AGBL4: variants seen among roughly 807,000 people sequenced by gnomAD.
AGBL4 encodes AGBL carboxypeptidase 4, also known as cytosolic carboxypeptidase 6.
In AGBL4, 58 loss-of-function variants were observed where a neutral mutation model predicts 66.4. The ratio of observed to expected loss-of-function variants is 0.87; its 90% confidence interval spans 0.71 to 1.09. The LOEUF (loss-of-function observed/expected upper bound fraction) is 1.09, where lower values mean the gene tolerates loss of function less well. Ranked by LOEUF, AGBL4 falls within the 50% of genes least tolerant of loss-of-function variation. The pLI, the probability that AGBL4 is intolerant of heterozygous loss-of-function variation, is 0.00. For missense variants in AGBL4, 579 were observed against 631.0 expected (o/e 0.92, Z 0.88); for synonymous variants, 234 against 222.9 (o/e 1.05, Z -0.44).
At position 49,806,098 on chromosome 1, in the gene AGBL4, C is replaced by G. The variant is rs146499253; in HGVS notation, c.157+45298G>C. 1.4e-4 allele frequency among the ~76,000 whole-genome samples: 21 copies of G among 152,270 alleles called. No individual in the cohort carries two copies. The East Asian group carries it at 4.1e-3, about 29-fold the overall frequency. On this transcript the variant is annotated intron_variant, in intron 2 of 13. Coordinates refer to ENST00000371839, the MANE Select transcript of AGBL4 (RefSeq NM_032785.4). ...GGAGGTGTGTGCTAGAAAAAGCCTACATTCCTATAAACAGACTGTTAAGGG... is the reference window on the plus strand; with the variant it reads ...GGAGGTGTGTGCTAGAAAAAGCCTAGATTCCTATAAACAGACTGTTAAGGG...
chr1:48,886,285 C>G (rs1021764544), intron 5 of AGBL4, among the ~76,000 whole-genome samples: 3 of 152,162 alleles, frequency 2.0e-5, no homozygotes, highest in South Asian at 2.1e-4. Flanking sequence ...AAAGCTGGTC[C>G]TGCCTAGCAC....
At chr1:49,807,309 A>G (rs989733107) in intron 2 of AGBL4, among the ~76,000 whole-genome samples, 1 of 152,192 alleles carries the variant, frequency 6.6e-6, no homozygotes, top group Admixed American at 6.5e-5. Context: ...TGCCAAGTAA[A>G]GCTGCAGAAA....
intron 3 of AGBL4, 150 bp downstream of exon 3, chr1:49,697,163 C>A (rs1289413477): frequency 6.3e-6 from 5 of 798,160 alleles, no homozygotes; most frequent in Non-Finnish European, 9.3e-6. Context: ...GTATCTATTT[C>A]TCTGCATCTC....
chr1:49,615,351 T>C (rs1374291987), intron 3 of AGBL4, among the ~76,000 whole-genome samples: 2 of 152,014 alleles, frequency 1.3e-5, no homozygotes, highest in Admixed American at 1.3e-4. Flanking sequence ...AGGGACAAAA[T>C]GGTTTAAAAG....
At chr1:48,596,307 T>G (rs1037845143) in intron 9 of AGBL4, among the ~76,000 whole-genome samples, 6 of 152,134 alleles carry the variant, frequency 3.9e-5, no homozygotes, top group African/African-American at 1.2e-4. Context: ...AAAAAGGCAT[T>G]GAGGTATGTG....
chr1:49,741,403 T>C (rs912071828), intron 2 of AGBL4, among the ~76,000 whole-genome samples: 2 of 152,144 alleles, frequency 1.3e-5, no homozygotes, highest in African/African-American at 4.8e-5. Context: ...ATTGAGGCAA[T>C]GATTAATAGC....
intron 3 of AGBL4, among the ~76,000 whole-genome samples, chr1:49,555,482 TGCTTTTGTGTCTA>T (rs1244295068): frequency 1.4e-4 from 21 of 150,314 alleles, no homozygotes; most frequent in South Asian, 6.4e-4. Context: ...TGCTGATGGG[TGCTTTTGTGTCTA>T]GCTTTTGTGT....
At chr1:49,339,461 G>T (rs1645496681) in intron 3 of AGBL4, among the ~76,000 whole-genome samples, 1 of 152,160 alleles carries the variant, frequency 6.6e-6, no homozygotes, top group Non-Finnish European at 1.5e-5. Context: ...GGCTAAAATT[G>T]CACAGCTTAT....
chr1:49,786,061 A>G (rs1644447495), intron 2 of AGBL4, among the ~76,000 whole-genome samples: 1 of 152,030 alleles, frequency 6.6e-6, no homozygotes, highest in Non-Finnish European at 1.5e-5. Context: ...TGCTTTTACA[A>G]AATATTCCAG....
At position 48,699,844 on chromosome 1, in the gene AGBL4, G is replaced by A. The variant is rs187087277; in HGVS notation, c.635-36603C>T. ...AAAAATTACTTGCATTCAGGGTCTTGTCTCAGGGTCTGCTCTGGGATAACC... is the reference window on the plus strand; with the variant it reads ...AAAAATTACTTGCATTCAGGGTCTTATCTCAGGGTCTGCTCTGGGATAACC... On this transcript the variant is annotated intron_variant, in intron 6 of 13. Coordinates refer to ENST00000371839, the MANE Select transcript of AGBL4 (RefSeq NM_032785.4). 2.2e-4 allele frequency among the ~76,000 whole-genome samples: 33 copies of A among 152,084 alleles called. 1 individual carries two copies. The highest frequency in any genetic ancestry group is 4.3e-4 in the African/African-American group (18 of 41,482).
At chr1:49,191,534 GT>G (rs1377473641) in intron 4 of AGBL4, among the ~76,000 whole-genome samples, 2 of 152,164 alleles carry the variant, frequency 1.3e-5, no homozygotes, top group African/African-American at 4.8e-5. Context: ...TGTCACTGAG[GT>G]TTGGGGTATA....
intron 3 of AGBL4, chr1:49,527,242 A>G (rs1175732982): frequency 6.6e-6 from 1 of 152,022 alleles, no homozygotes; most frequent in Non-Finnish European, 1.5e-5. Flanking sequence ...ACCATTCCTC[A>G]AGGTCCCTGA....
intron 3 of AGBL4, among the ~76,000 whole-genome samples, chr1:49,554,538 C>T (rs1182984673): frequency 6.6e-6 from 1 of 152,154 alleles, no homozygotes; most frequent in Non-Finnish European, 1.5e-5. Flanking sequence ...TTTCAAGACA[C>T]TCCAGATACC....
intron 3 of AGBL4, among the ~76,000 whole-genome samples, chr1:49,393,047 C>T (rs768232933): frequency 6.6e-6 from 1 of 152,028 alleles, no homozygotes; most frequent in Non-Finnish European, 1.5e-5. Flanking sequence ...CAGTTCTCAC[C>T]TCTGGGAAAC....
chr1:49,373,304 C>T (rs549565468), intron 3 of AGBL4, among the ~76,000 whole-genome samples: 3 of 152,114 alleles, frequency 2.0e-5, no homozygotes, highest in African/African-American at 7.2e-5. Flanking sequence ...GGTATATGAC[C>T]AATAGATGCT....
At chr1:48,894,216 GA>G (rs1427876814) in intron 5 of AGBL4, among the ~76,000 whole-genome samples, 1 of 152,192 alleles carries the variant, frequency 6.6e-6, no homozygotes, top group Non-Finnish European at 1.5e-5. Flanking sequence ...AGCACATTAA[GA>G]AAGACAATAG....
At chr1:49,893,216 T>C (rs914557565) in intron 1 of AGBL4, among the ~76,000 whole-genome samples, 2 of 152,048 alleles carry the variant, frequency 1.3e-5, no homozygotes, top group African/African-American at 4.8e-5. Flanking sequence ...CAGCAGAGTA[T>C]ACTGGAAAAA....
rs541262544 is a variant in AGBL4, at chr1:49,896,531, C to T, written c.35-45013G>A. Among the ~76,000 whole-genome samples the T allele has an allele frequency of 1.7e-4, 25 of 150,926 alleles. 1 individual carries two copies. Among genetic ancestry groups the T allele is most frequent in the East Asian group, 1.4e-3 (7 of 5,126 alleles). On this transcript the variant is annotated intron_variant, in intron 1 of 13. Transcript: ENST00000371839. ...ACACAAACTATTCTGAAAAAATAGA[C>T]GAGGAGAGAATACTTCTAAACTTAT...
chr1:49,341,755 T>C (rs896758501), intron 3 of AGBL4, among the ~76,000 whole-genome samples: 7 of 152,164 alleles, frequency 4.6e-5, no homozygotes, highest in African/African-American at 1.7e-4. Context: ...CTGGAAAAGA[T>C]CCCTTCATGA....
Sources: allele counts gnomAD v4.1 joint callset (sites outside exome capture counted in the v4.1 genomes callset), GRCh38; gene constraint gnomAD v4.1.1; transcripts MANE v1.5; gene names NCBI Gene and HGNC (gene_info 2026-07-23, HGNC 2026-07-21).